The following DNAAF4 variants were observed in gnomAD, a reference collection of about 807,000 sequenced individuals.
The protein encoded by DNAAF4 is dynein assembly factor 4, axonemal.
DNAAF4 carries 43 observed loss-of-function variants against 51.8 expected under a neutral mutation model. The ratio of observed to expected loss-of-function variants is 0.83; its 90% confidence interval spans 0.65 to 1.07. The LOEUF is 1.07. Among genes scored for constraint, DNAAF4 ranks in the 50% least tolerant of loss-of-function variants. DNAAF4 has a pLI of 0.00. For missense variants in DNAAF4, 581 were observed against 493.0 expected (o/e 1.18, Z -1.69); for synonymous variants, 194 against 165.6 (o/e 1.17, Z -1.32).
At position 55,430,540 on chromosome 15, in the gene DNAAF4, TATTTTGCCCTCAAC is replaced by T; in HGVS notation, c.*116_*129del. Reference sequence around the variant, plus strand: ...CAGTTTATTTTCTATAGATTTATAATATTTTGCCCTCAACAGAACTAAAGTACTAAACAGAAAGC... The same window carrying T: ...CAGTTTATTTTCTATAGATTTATAATAGAACTAAAGTACTAAACAGAAAGC... On this transcript the variant is annotated 3_prime_UTR_variant, in exon 10 of 10. Coordinates refer to ENST00000321149, the MANE Select transcript of DNAAF4 (RefSeq NM_130810.4). 1.5e-6 allele frequency: 2 copies of T among 1,302,860 alleles called. No individual in the cohort carries two copies. Among genetic ancestry groups the T allele is most frequent in the Non-Finnish European group, 2.0e-6 (2 of 1,021,676 alleles). The allele number at this position is 1,302,860 out of a possible 1,614,324, so 80.7% of individuals were successfully genotyped here.
chr15:55,447,106 G>A (rs1272450820), intron 6 of DNAAF4, among the ~76,000 whole-genome samples: 1 of 148,654 alleles, frequency 6.7e-6, no homozygotes, highest in East Asian at 2.0e-4. Context: ...CCCAGATGGG[G>A]CGGCTGCGCA....
chr15:55,495,490 C>G (rs1466284320), intron 3 of DNAAF4, among the ~76,000 whole-genome samples: 1 of 152,116 alleles, frequency 6.6e-6, no homozygotes, highest in Non-Finnish European at 1.5e-5. Flanking sequence ...GAAATCCCAG[C>G]ATTTGGGAGG....
chr15:55,451,132 G>A (rs753846979), intron 5 of DNAAF4, among the ~76,000 whole-genome samples: 1 of 152,076 alleles, frequency 6.6e-6, no homozygotes, highest in Non-Finnish European at 1.5e-5. Context: ...AAAGGGTCTT[G>A]ACTAGACATT....
chr15:55,419,708 C>A (rs1595882278), intron 7 of DNAAF4, among the ~76,000 whole-genome samples: 2 of 152,034 alleles, frequency 1.3e-5, no homozygotes, highest in East Asian at 3.9e-4. Context: ...TTTTAATTAA[C>A]AATATTGGCC....
At chr15:55,454,775 A>C (rs2057991819) in intron 5 of DNAAF4, among the ~76,000 whole-genome samples, 1 of 152,170 alleles carries the variant, frequency 6.6e-6, no homozygotes, top group South Asian at 2.1e-4. Context: ...CCAAGTTATG[A>C]TATTATGAGA....
intron 5 of DNAAF4, among the ~76,000 whole-genome samples, chr15:55,461,436 C>T (rs1455960863): frequency 6.6e-6 from 1 of 152,098 alleles, no homozygotes; most frequent in African/African-American, 2.4e-5. Flanking sequence ...ATATCAAATA[C>T]TCTCTAAGAC....
intron 6 of DNAAF4, chr15:55,443,145 G>C: frequency 6.2e-7 from 1 of 1,610,584 alleles, no homozygotes; most frequent in South Asian, 1.1e-5. Flanking sequence ...TCCAGGAGCC[G>C]TCTTCACATT....
At chr15:55,501,705 T>C (rs2058700219) in intron 1 of DNAAF4, among the ~76,000 whole-genome samples, 2 of 150,552 alleles carry the variant, frequency 1.3e-5, no homozygotes, top group Admixed American at 1.3e-4. Flanking sequence ...TAAAAAGCAC[T>C]CATTAGGGAG....
intron 4 of DNAAF4, among the ~76,000 whole-genome samples, chr15:55,485,606 C>A (rs1261263207): frequency 1.3e-5 from 2 of 151,914 alleles, no homozygotes; most frequent in Non-Finnish European, 2.9e-5. Context: ...AAAAGAGTTC[C>A]ATTGAAGCGG....
chr15:55,478,538 G>T (rs546541988), intron 4 of DNAAF4, among the ~76,000 whole-genome samples: 8 of 152,130 alleles, frequency 5.3e-5, no homozygotes, highest in Admixed American at 1.3e-4. Flanking sequence ...AAAGGACCCA[G>T]TCATTATCCC....
At chr15:55,439,697 T>C (rs2057675949) in intron 6 of DNAAF4, 116 bp from the exon 7 acceptor site, 1 of 821,392 alleles carries the variant, frequency 1.2e-6, no homozygotes, top group Non-Finnish European at 1.9e-6. Context: ...ATGCACTGAG[T>C]GTTTGTGTCT....
Position 55,460,185 on chromosome 15 carries a change from T to TA in DNAAF4, c.637+6744_637+6745insT, listed in dbSNP as rs1567016914. The stretch of plus-strand genomic sequence containing the variant: ...TTTATTTATTTATTTACTTATTTAT[T>TA]TATTTTTTTTTTTGAGACAGAGTCT... On this transcript the variant is annotated intron_variant, in intron 5 of 9. Coordinates refer to ENST00000321149, the MANE Select transcript of DNAAF4 (RefSeq NM_130810.4). Among the ~76,000 whole-genome samples, 6 of 146,670 alleles carry TA rather than the reference T, an allele frequency of 4.1e-5. No individual in the cohort carries two copies. The South Asian group carries it at 1.1e-3, about 26-fold the overall frequency.
At chr15:55,483,758 C>G (rs2058444074) in intron 4 of DNAAF4, among the ~76,000 whole-genome samples, 2 of 148,210 alleles carry the variant, frequency 1.3e-5, no homozygotes, top group African/African-American at 4.9e-5. Flanking sequence ...GATTCCTGAC[C>G]TCAAGCAGTC....
chr15:55,428,954 G>T (rs1260562938), downstream of DNAAF4, among the ~76,000 whole-genome samples: 2 of 151,974 alleles, frequency 1.3e-5, no homozygotes, highest in Admixed American at 6.6e-5. Flanking sequence ...AGGCGCGGGG[G>T]GTCTTGCCTA....
intron 4 of DNAAF4, among the ~76,000 whole-genome samples, chr15:55,479,498 A>G (rs1343339472): frequency 6.6e-6 from 1 of 152,154 alleles, no homozygotes. Flanking sequence ...TGTTTCAACA[A>G]TATGAAATCA....
chr15:55,495,326 A>T (rs1012554670), intron 3 of DNAAF4: 1 of 152,186 alleles, frequency 6.6e-6, no homozygotes, highest in African/African-American at 2.4e-5. Flanking sequence ...GGTCTTGGAA[A>T]TTAAAAATTA....
At chr15:55,440,792 C>T (rs2057698512) in intron 6 of DNAAF4, among the ~76,000 whole-genome samples, 1 of 152,178 alleles carries the variant, frequency 6.6e-6, no homozygotes, top group African/African-American at 2.4e-5. Flanking sequence ...AGCGATTCTT[C>T]TGCCTCAGCC....
intron 7 of DNAAF4, among the ~76,000 whole-genome samples, chr15:55,436,220 C>T (rs976307897): frequency 1.3e-5 from 2 of 152,022 alleles, no homozygotes; most frequent in African/African-American, 4.8e-5. Context: ...TGTTTTTTTT[C>T]TGAGTAGCCA....
chr15:55,442,944 T>A (rs747867596), intron 6 of DNAAF4: 22 of 1,611,262 alleles, frequency 1.4e-5, no homozygotes, highest in Non-Finnish European at 1.8e-5. Flanking sequence ...CTCCTTGAAA[T>A]AAGCAAACCA....
Sources: allele counts gnomAD v4.1 joint callset (sites outside exome capture counted in the v4.1 genomes callset), GRCh38; gene constraint gnomAD v4.1.1; transcripts MANE v1.5; gene names NCBI Gene and HGNC (gene_info 2026-07-23, HGNC 2026-07-21).